FGD4: variants seen among roughly 807,000 people sequenced by gnomAD.
FGD4 encodes FYVE, RhoGEF and PH domain-containing protein 4.
FGD4 carries 42 observed loss-of-function variants against 102.0 expected under a neutral mutation model. The ratio of observed to expected loss-of-function variants is 0.41; its 90% CI spans 0.32 to 0.53. FGD4 has a LOEUF of 0.53. Ranked by LOEUF, FGD4 falls within the 20% of genes least tolerant of loss-of-function variation. FGD4 has a pLI of 0.21. For missense variants in FGD4, 902 were observed against 1,078.2 expected (o/e 0.84, Z 2.29); for synonymous variants, 380 against 375.7 (o/e 1.01, Z -0.13).
chr12:32,437,606 ATTTG>A (rs1942278055), intron 1 of FGD4, among the ~76,000 whole-genome samples: 1 of 152,210 alleles, frequency 6.6e-6, no homozygotes, highest in Non-Finnish European at 1.5e-5. Context: ...AGATGTTTTT[ATTTG>A]TTCCTAAAGT....
chr12:32,532,446 C>T (rs1941891194), intron 1 of FGD4, among the ~76,000 whole-genome samples: 1 of 152,114 alleles, frequency 6.6e-6, no homozygotes, highest in Admixed American at 6.5e-5. Flanking sequence ...GATAAATTAA[C>T]ACTACCTTAC....
At chr12:32,553,245 A>C (rs189686921) in intron 1 of FGD4, among the ~76,000 whole-genome samples, 1 of 152,298 alleles carries the variant, frequency 6.6e-6, no homozygotes, top group Admixed American at 6.5e-5. Flanking sequence ...CACTGTGGCC[A>C]TGGGTCTTAT....
At chr12:32,408,860 C>A (rs2733703) in intron 1 of FGD4, among the ~76,000 whole-genome samples, 1 of 151,928 alleles carries the variant, frequency 6.6e-6, no homozygotes, top group East Asian at 1.9e-4. Flanking sequence ...CTTGATTTTC[C>A]TACCTCATTG....
At chr12:32,597,363 C>T (rs900915442) in intron 4 of FGD4, among the ~76,000 whole-genome samples, 2 of 152,106 alleles carry the variant, frequency 1.3e-5, no homozygotes, top group African/African-American at 4.8e-5. Context: ...TGGTAGCAGT[C>T]AGGATGCCAT....
chr12:32,415,682 A>C (rs955705442), intron 1 of FGD4, among the ~76,000 whole-genome samples: 6 of 152,204 alleles, frequency 3.9e-5, no homozygotes, highest in Admixed American at 3.9e-4. Context: ...TGGCCTCCCA[A>C]ATGCGGAGCC....
chr12:32,619,192 G>A (rs557063892), intron 10 of FGD4, among the ~76,000 whole-genome samples: 1 of 152,248 alleles, frequency 6.6e-6, no homozygotes, highest in Admixed American at 6.5e-5. Flanking sequence ...CCATGAATGG[G>A]AAATATATTT....
chr12:32,439,043 T>C (rs1942335964), intron 1 of FGD4, among the ~76,000 whole-genome samples: 1 of 152,230 alleles, frequency 6.6e-6, no homozygotes, highest in African/African-American at 2.4e-5. Flanking sequence ...ATAGATATCA[T>C]GTTGTACAAT....
At chr12:32,561,704 A>C (rs1302012504) in intron 1 of FGD4, among the ~76,000 whole-genome samples, 1 of 152,214 alleles carries the variant, frequency 6.6e-6, no homozygotes, top group Non-Finnish European at 1.5e-5. Context: ...AAGAGAAGGA[A>C]ATCTAATATG....
At chr12:32,504,862 G>T (rs1214379753) in intron 1 of FGD4, among the ~76,000 whole-genome samples, 1 of 152,182 alleles carries the variant, frequency 6.6e-6, no homozygotes, top group Non-Finnish European at 1.5e-5. Flanking sequence ...ATGCCGGAAT[G>T]TTGCCTGACA....
At chr12:32,548,557 A>T (rs1014212698) in intron 1 of FGD4, among the ~76,000 whole-genome samples, 2 of 152,256 alleles carry the variant, frequency 1.3e-5, no homozygotes, top group African/African-American at 4.8e-5. Flanking sequence ...GGAAAGAACC[A>T]GTTCCTTTGG....
chr12:32,500,244 C>G (rs1235513441), intron 1 of FGD4, among the ~76,000 whole-genome samples: 2 of 152,020 alleles, frequency 1.3e-5, no homozygotes, highest in African/African-American at 2.4e-5. Flanking sequence ...ATAATAATAC[C>G]TACTTCATAG....
chr12:32,576,290 A>T lies in FGD4; in HGVS notation c.344A>T (p.Gln115Leu), dbSNP rs762290444. The T allele has an allele frequency of 8.1e-6, 13 of 1,608,150 alleles. No homozygotes were observed. The highest frequency in any genetic ancestry group is 1.3e-5 in the African/African-American group (1 of 74,888). ...PQVPPKPLHL[Q>L]NSPSSNIHQT... is the part of the protein sequence containing the mutation. The stretch of plus-strand genomic sequence containing the variant: ...GTGCCTCCAAAGCCATTACACCTGC[A>T]GAATTCACCTTCGTCCAATATACAC... The change falls in exon 3 of 17, where the codon CAG (glutamine) becomes CTG (leucine). Residue 115 changes from glutamine (Q) to leucine (L), a missense_variant. Around this residue, in one of 2 missense-constraint regions of FGD4, gnomAD observed 443 missense variants for 459.2 expected, o/e 0.96. Coordinates refer to ENST00000534526, the MANE Select transcript of FGD4 (RefSeq NM_001370298.3).
At chr12:32,529,324 A>G (rs1258826194) in intron 1 of FGD4, among the ~76,000 whole-genome samples, 5 of 151,644 alleles carry the variant, frequency 3.3e-5, no homozygotes. Flanking sequence ...ATGGGGTTTC[A>G]CCATGTTGGC....
intron 1 of FGD4, among the ~76,000 whole-genome samples, chr12:32,502,512 G>T (rs954585937): frequency 6.6e-6 from 1 of 152,050 alleles, no homozygotes; most frequent in Non-Finnish European, 1.5e-5. Context: ...ATTACATGTT[G>T]ATTTTGGAAA....
intron 1 of FGD4, among the ~76,000 whole-genome samples, chr12:32,511,581 T>C (rs1023369673): frequency 6.6e-5 from 10 of 152,128 alleles, no homozygotes; most frequent in Non-Finnish European, 1.5e-4. Context: ...GGATTACAGT[T>C]GTGAGCCACC....
chr12:32,581,912 C>T (rs1946648962), intron 3 of FGD4, 48 bp from the exon 4 acceptor site: 1 of 1,605,588 alleles, frequency 6.2e-7, no homozygotes, highest in African/African-American at 1.3e-5. Flanking sequence ...AATTCTAGAA[C>T]TTTTCCATAC....
intron 1 of FGD4, among the ~76,000 whole-genome samples, chr12:32,561,442 G>T (rs1216838680): frequency 6.6e-6 from 1 of 151,824 alleles, no homozygotes; most frequent in African/African-American, 2.4e-5. Context: ...AGAATTTTTT[G>T]GGTTTTTTTT....
At chr12:32,594,364 C>G (rs1242559198) in intron 4 of FGD4, among the ~76,000 whole-genome samples, 1 of 152,094 alleles carries the variant, frequency 6.6e-6, no homozygotes, top group Non-Finnish European at 1.5e-5. Flanking sequence ...ATCTAATGAC[C>G]GATGATCTGT....
chr12:32,447,661 C>T (rs1349953969), intron 1 of FGD4, among the ~76,000 whole-genome samples: 1 of 152,216 alleles, frequency 6.6e-6, no homozygotes, highest in African/African-American at 2.4e-5. Context: ...CATCCAAATT[C>T]GCTCAGTGAC....
Sources: gnomAD v4.1 joint callset for allele counts (sites outside exome capture counted in the v4.1 genomes callset) on GRCh38, gnomAD v4.1.1 for gene constraint, gnomAD v4.1.1 regional missense constraint, MANE v1.5 for transcripts, NCBI Gene and HGNC (gene_info 2026-07-23, HGNC 2026-07-21) for gene names.